Variants in ESR2 observed in about 807,000 individuals in gnomAD.
The protein encoded by ESR2 is estrogen receptor beta.
ESR2 carries 36 observed loss-of-function variants against 49.6 expected under a neutral mutation model. That is an observed-to-expected ratio of 0.73 (90% confidence interval 0.56 to 0.96). The LOEUF is 0.96. Ranked by LOEUF, ESR2 falls within the 40% of genes least tolerant of loss-of-function variation. The pLI, the probability that ESR2 is intolerant of heterozygous loss-of-function variation, is 0.00. For missense variants in ESR2, 714 were observed against 693.0 expected, an observed-to-expected ratio of 1.03 and a Z score of -0.34; for synonymous variants, 320 against 266.1, an observed-to-expected ratio of 1.20 and a Z score of -1.97.
rs1166412616 is a variant in ESR2 at position 64,228,958 on chromosome 14, T to C, written c.*4179A>G. On this transcript the variant is annotated 3_prime_UTR_variant, in exon 9 of 9. Coordinates refer to ENST00000341099, the MANE Select transcript of ESR2 (RefSeq NM_001437.3). The stretch of plus-strand genomic sequence containing the variant: ...ATAAGTGGCACGTGTTTTCACACTG[T>C]AGTATATCACACTCCACAGGGAAGC... 2.6e-5 allele frequency among the ~76,000 whole-genome samples: 4 copies of C among 152,186 alleles called. No homozygotes were observed. Among genetic ancestry groups the C allele is most frequent in the Non-Finnish European group, 4.4e-5 (3 of 68,028 alleles).
chr14:64,314,482 G>A (rs571088656), intron 1 of ESR2, among the ~76,000 whole-genome samples: 68 of 147,928 alleles, frequency 4.6e-4, no homozygotes, highest in African/African-American at 1.6e-3. Context: ...TCCAAAGCAA[G>A]CAGAAGGAAG....
chr14:64,288,420 C>G (rs1334412937), intron 1 of ESR2, among the ~76,000 whole-genome samples: 1 of 149,352 alleles, frequency 6.7e-6, no homozygotes, highest in African/African-American at 2.5e-5. Flanking sequence ...GCAATCTTGG[C>G]TCACTGCAAG....
chr14:64,313,699 C>A (rs1298021057), intron 1 of ESR2, among the ~76,000 whole-genome samples: 7 of 151,262 alleles, frequency 4.6e-5, no homozygotes, highest in Non-Finnish European at 8.9e-5. Context: ...ACCATCCTGG[C>A]ACCCCACCTC....
chr14:64,296,223 T>C (rs190748825), upstream of ESR2, among the ~76,000 whole-genome samples: 2 of 152,284 alleles, frequency 1.3e-5, no homozygotes, highest in East Asian at 3.9e-4. Context: ...GACGCTGTGC[T>C]AAGCACCTGC....
intron 1 of ESR2, among the ~76,000 whole-genome samples, chr14:64,305,784 A>G (rs1185659900): frequency 5.3e-5 from 8 of 152,230 alleles, no homozygotes; most frequent in Admixed American, 5.2e-4. Flanking sequence ...AGCATAGTAT[A>G]TCTAGAACTA....
intron 1 of ESR2, among the ~76,000 whole-genome samples, chr14:64,306,120 A>G (rs953857296): frequency 6.6e-6 from 1 of 151,924 alleles, no homozygotes; most frequent in Non-Finnish European, 1.5e-5. Context: ...GAGGTAGGAG[A>G]ATCACTTGAA....
intron 1 of ESR2, among the ~76,000 whole-genome samples, chr14:64,305,438 A>G (rs1304735831): frequency 6.6e-6 from 1 of 152,026 alleles, no homozygotes; most frequent in East Asian, 1.9e-4. Context: ...TGGGAGGCCA[A>G]GGCGGGCGGA....
intron 1 of ESR2, among the ~76,000 whole-genome samples, chr14:64,302,127 A>G (rs1194232390): frequency 6.6e-6 from 1 of 151,968 alleles, no homozygotes. Flanking sequence ...ACAGGGTCAT[A>G]AGAGTCACCT....
At chr14:64,292,704 T>C (rs772583237) in intron 1 of ESR2, among the ~76,000 whole-genome samples, 44 of 152,324 alleles carry the variant, frequency 2.9e-4, no homozygotes, top group Non-Finnish European at 4.6e-4. Flanking sequence ...TTTGAATTAT[T>C]ATGTGTTCAA....
In ESR2 at chr14:64,230,882, TA is replaced by T. The variant is rs2098726555; in HGVS notation, c.*2254del. The T allele has an allele frequency of 7.0e-6, 1 of 143,856 alleles. No individual in the cohort carries two copies. The highest frequency in any genetic ancestry group is 1.5e-5 in the Non-Finnish European group (1 of 66,568). The allele number at this position is 143,856 out of a possible 1,614,324, so 8.9% of individuals were successfully genotyped here. The stretch of plus-strand genomic sequence containing the variant: ...AAAAAAAATTATATATATATATATA[TA>T]TATATTTCGTGGCAATTTTTTTTTT... On this transcript the variant is annotated 3_prime_UTR_variant, in exon 9 of 9. Coordinates refer to ENST00000341099, the MANE Select transcript of ESR2 (RefSeq NM_001437.3).
chr14:64,336,400 G>A (rs2077532583), intron 1 of ESR2: 2 of 152,234 alleles, frequency 1.3e-5, no homozygotes, highest in South Asian at 4.1e-4. Context: ...AAGATTTTAT[G>A]TATTTTTATT....
chr14:64,240,146 C>T (rs929898440), intron 7 of ESR2, among the ~76,000 whole-genome samples: 3 of 152,210 alleles, frequency 2.0e-5, no homozygotes, highest in Admixed American at 6.5e-5. Context: ...TGACAAACCG[C>T]GACCTGGCCA....
In ESR2 at chr14:64,283,074, G is replaced by A. The variant is rs2076714846; in HGVS notation, c.-89C>T. Reference sequence around the variant, plus strand: ...TCAAAGATTCGTGGGCAAGTATAATGGCTGTAAAGAAACACAGAAGATATT... The same window carrying A: ...TCAAAGATTCGTGGGCAAGTATAATAGCTGTAAAGAAACACAGAAGATATT... On this transcript the variant is annotated splice_region_variant and 5_prime_UTR_variant, in exon 2 of 9. Transcript: ENST00000341099. The A allele has an allele frequency of 7.3e-7, 1 of 1,362,026 alleles. No homozygotes were observed. Among genetic ancestry groups the A allele is most frequent in the Admixed American group, 2.3e-5 (1 of 43,774 alleles). The allele number at this position is 1,362,026 out of a possible 1,614,324, so 84.4% of individuals were successfully genotyped here. A position where few individuals can be genotyped will look rare whatever the true frequency, so the allele number is the denominator to read the frequency against.
rs372991202 is a variant in ESR2, at chr14:64,268,961, T to C, written c.536-50A>G. 21 of 1,049,106 alleles carry C rather than the reference T, an allele frequency of 2.0e-5. No homozygotes were observed. In the African/African-American group the frequency reaches 3.1e-4, roughly 16 times the overall value. 65.0% of individuals were successfully genotyped at this position (1,049,106 alleles called of 1,614,324 possible). Reference sequence around the variant, plus strand: ...AAGATTATTGCTATGATCTCTTAGTTAAATCTCTTCCTGGTCAACAACACT... The same window carrying C: ...AAGATTATTGCTATGATCTCTTAGTCAAATCTCTTCCTGGTCAACAACACT... On this transcript the variant is annotated intron_variant, in intron 3 of 8. Coordinates refer to ENST00000341099, the MANE Select transcript of ESR2 (RefSeq NM_001437.3).
chr14:64,266,990 C>T (rs2076343514), intron 4 of ESR2, among the ~76,000 whole-genome samples: 1 of 152,230 alleles, frequency 6.6e-6, no homozygotes, highest in Admixed American at 6.5e-5. Context: ...AAACTATTCT[C>T]CTTCCTCAGC....
At chr14:64,318,100 C>T (rs1055996367) in intron 1 of ESR2, among the ~76,000 whole-genome samples, 1 of 151,644 alleles carries the variant, frequency 6.6e-6, no homozygotes, top group African/African-American at 2.4e-5. Context: ...GTAGAGAATC[C>T]CAAAGAATTG....
At position 64,260,649 on chromosome 14, in the gene ESR2, T is replaced by C; in HGVS notation, c.752A>G (p.His251Arg). The C allele has an allele frequency of 1.9e-6, 3 of 1,608,190 alleles. No individual in the cohort carries two copies. Among genetic ancestry groups the C allele is most frequent in the South Asian group, 1.1e-5 (1 of 90,446 alleles). Residue 251 changes from histidine (H) to arginine (R), a missense_variant, in exon 5 of 9, where the codon CAC becomes CGC. His to Arg is a conservative substitution (Grantham distance 29, BLOSUM62 0). Transcript: ENST00000341099. ...CAGKAKRSGG[H>R]APRVRELLLD... The stretch of plus-strand genomic sequence containing the variant: ...CAGCAGCTCCCGCACTCGGGGCGCG[T>C]GGCCGCCACTTCTCTTGGCCTTGCC...
chr14:64,244,235 C>T (rs1357836532), intron 7 of ESR2, among the ~76,000 whole-genome samples: 1 of 151,954 alleles, frequency 6.6e-6, no homozygotes, highest in African/African-American at 2.4e-5. Flanking sequence ...CCCATCTCTA[C>T]TAAAAATACA....
chr14:64,227,631 G>C (rs769854243), downstream of ESR2: 6 of 1,613,728 alleles, frequency 3.7e-6, no homozygotes, highest in East Asian at 1.3e-4. Flanking sequence ...TAGAGATGCG[G>C]GACAAGTCAA....
Sources: gnomAD v4.1 joint callset for allele counts (sites outside exome capture counted in the v4.1 genomes callset) on GRCh38, gnomAD v4.1.1 for gene constraint, MANE v1.5 for transcripts, NCBI Gene and HGNC (gene_info 2026-07-23, HGNC 2026-07-21) for gene names.